The following KATNIP variants were observed in gnomAD, a reference collection of about 807,000 sequenced individuals.
KATNIP encodes the protein katanin interacting protein, also known as katanin-interacting protein.
Under a neutral mutation model 174.0 loss-of-function variants are expected in KATNIP, and 126 were observed. The observed-to-expected ratio is 0.72, with a 90% CI of 0.63 to 0.84. KATNIP has a LOEUF of 0.84. KATNIP is among the 40% of genes least tolerant of loss of function. The probability of loss-of-function intolerance (pLI) is 0.00; values close to 1 mark genes in which losing one functional copy is unlikely to be tolerated. For synonymous variants in KATNIP, 810 were observed against 835.7 expected (o/e 0.97, Z 0.53); for missense variants, 1,958 against 2,109.7 (o/e 0.93, Z 1.41).
At chr16:27,594,401 TCAGG>T (rs1326351620) in intron 2 of KATNIP, among the ~76,000 whole-genome samples, 3 of 152,084 alleles carry the variant, frequency 2.0e-5, no homozygotes, top group African/African-American at 7.2e-5. Flanking sequence ...GGCCAGTGAC[TCAGG>T]CTAGAGAGCC....
At chr16:27,622,816 C>T (rs1320687713) in intron 3 of KATNIP, among the ~76,000 whole-genome samples, 1 of 152,156 alleles carries the variant, frequency 6.6e-6, no homozygotes, top group East Asian at 1.9e-4. Flanking sequence ...TCCTTTTGTC[C>T]TCATGGCAGC....
rs1567329409 is a variant in KATNIP, at chr16:27,708,900, CTCGTCAACAGGA to C, written c.1586_1597del (p.Leu529_Asn533delinsHis). On this transcript the variant is annotated inframe_deletion, in exon 13 of 28. Coordinates refer to ENST00000261588, the MANE Select transcript of KATNIP (RefSeq NM_015202.5). ...AGCCACGCCTGGGGAGCTGGGCCGCCTCGTCAACAGGAACTTAGCTGTGAGTGGAAGGGGCAC... is the reference window on the plus strand; with the variant it reads ...AGCCACGCCTGGGGAGCTGGGCCGCCACTTAGCTGTGAGTGGAAGGGGCAC... The C allele has an allele frequency of 6.2e-7, 1 of 1,613,068 alleles. No homozygotes were observed. The highest frequency in any genetic ancestry group is 1.1e-5 in the South Asian group (1 of 91,002).
chr16:27,714,851 A>G (rs568240363), intron 13 of KATNIP, among the ~76,000 whole-genome samples: 1 of 152,338 alleles, frequency 6.6e-6, no homozygotes, highest in Admixed American at 6.5e-5. Flanking sequence ...TCAGAAGACA[A>G]CATTGTCGAG....
intron 14 of KATNIP, among the ~76,000 whole-genome samples, chr16:27,739,006 T>TA (rs71140909): frequency 0.01 from 1,502 of 146,270 alleles, 18 homozygotes; most frequent in Middle Eastern, 0.029. Context: ...TGATTTCAGT[T>TA]AAAAAAAAAA....
In KATNIP at chr16:27,761,517, C is replaced by T. The variant is rs1024367605; in HGVS notation, c.3736C>T (p.His1246Tyr). 3 of 1,614,016 alleles carry T rather than the reference C, an allele frequency of 1.9e-6. No homozygotes were observed. Among genetic ancestry groups the T allele is most frequent in the African/African-American group, 1.3e-5 (1 of 74,916 alleles). ...KEGQALPIHL[H>Y]QISASPRDLN... ...GGGCCAGGCGCTGCCCATCCACCTG[C>T]ACCAGATCTCTGCTTCCCCCAGAGA... The change falls in exon 19 of 28, where the codon CAC (histidine) becomes TAC (tyrosine). Residue 1246 changes from histidine to tyrosine, a missense_variant. Transcript: ENST00000261588.
At chr16:27,633,686 C>T (rs184503847) in intron 5 of KATNIP, among the ~76,000 whole-genome samples, 167 of 152,300 alleles carry the variant, frequency 1.1e-3, no homozygotes, top group African/African-American at 3.9e-3. Context: ...TAGTTAAATG[C>T]TTTCATACCC....
Position 27,597,058 on chromosome 16 carries a change from A to G in KATNIP, c.64-21367A>G, listed in dbSNP as rs114674761. On this transcript the variant is annotated intron_variant, in intron 2 of 27. Coordinates refer to ENST00000261588, the MANE Select transcript of KATNIP (RefSeq NM_015202.5). ...AAATAAAAATAATTAGCTGGTCATG[A>G]TGGTGCGTGCTGTGGTCCCAGCTAC... 8.0e-3 allele frequency among the ~76,000 whole-genome samples: 1,218 copies of G among 152,016 alleles called. 17 individuals carry two copies. Among genetic ancestry groups the G allele is most frequent in the African/African-American group, 0.028 (1,163 of 41,428 alleles).
In KATNIP at chr16:27,776,043, G is replaced by T. The variant is rs927743703; in HGVS notation, c.4450-885G>T. ...GTCTAGCACTGGAAGGCCTTTTGGGGTGCGGCGACTTCAGCTGTTGCTCTC... is the reference window on the plus strand; with the variant it reads ...GTCTAGCACTGGAAGGCCTTTTGGGTTGCGGCGACTTCAGCTGTTGCTCTC... On this transcript the variant is annotated intron_variant, in intron 24 of 27. Transcript: ENST00000261588. The surrounding 1 kb of genome is among the most constrained non-coding windows in gnomAD (Gnocchi z 4.7). 3.3e-5 allele frequency among the ~76,000 whole-genome samples: 5 copies of T among 152,212 alleles called. No homozygotes were observed. Among genetic ancestry groups the T allele is most frequent in the African/African-American group, 1.2e-4 (5 of 41,446 alleles).
At chr16:27,565,101 A>G (rs771319386) in intron 1 of KATNIP, among the ~76,000 whole-genome samples, 71 of 151,578 alleles carry the variant, frequency 4.7e-4, no homozygotes, top group Non-Finnish European at 9.3e-4. Flanking sequence ...TTTGTCTAAT[A>G]GATTTCTGTT....
At chr16:27,742,405 GAGT>G (rs1273478254) in intron 15 of KATNIP, among the ~76,000 whole-genome samples, 14 of 152,208 alleles carry the variant, frequency 9.2e-5, no homozygotes, top group African/African-American at 3.4e-4. Context: ...AGTGCTCGGT[GAGT>G]AGTAGTCGTT....
intron 2 of KATNIP, 27 bp downstream of exon 2, chr16:27,573,983 T>A: frequency 6.2e-7 from 1 of 1,607,462 alleles, no homozygotes; most frequent in Non-Finnish European, 8.5e-7. Context: ...CGAGGGCTGA[T>A]GGGAGGCAAC....
rs1406512708 is a variant in KATNIP, at chr16:27,694,632, C to T, written c.941-3696C>T. On this transcript the variant is annotated intron_variant, in intron 8 of 27. Transcript: ENST00000261588. Reference sequence around the variant, plus strand: ...GCAACATGGTGAAACCCCGTCTCTACAAAAAATACAAAAATTAGCTGGGCA... The same window carrying T: ...GCAACATGGTGAAACCCCGTCTCTATAAAAAATACAAAAATTAGCTGGGCA... 3.3e-5 allele frequency among the ~76,000 whole-genome samples: 5 copies of T among 151,826 alleles called. No individual in the cohort carries two copies. In the East Asian group the frequency reaches 9.7e-4, roughly 30 times the overall value.
chr16:27,708,139 C>T (rs35104477), intron 12 of KATNIP, among the ~76,000 whole-genome samples: 1 of 151,880 alleles, frequency 6.6e-6, no homozygotes, highest in African/African-American at 2.4e-5. Context: ...GCCTCAGCCT[C>T]CTGCGTAGCT....
At chr16:27,757,222 C>G (rs2081767549) in intron 18 of KATNIP, among the ~76,000 whole-genome samples, 1 of 152,170 alleles carries the variant, frequency 6.6e-6, no homozygotes, top group African/African-American at 2.4e-5. Context: ...GTAGCTGGGA[C>G]TGTAGGTGTG....
At chr16:27,558,729 G>A in intron 1 of KATNIP, among the ~76,000 whole-genome samples, 1 of 152,186 alleles carries the variant, frequency 6.6e-6, no homozygotes. Context: ...GTGGCCCACG[G>A]GCCAAAAATA....
intron 15 of KATNIP, among the ~76,000 whole-genome samples, chr16:27,744,863 C>A (rs2143654956): frequency 6.6e-6 from 1 of 151,990 alleles, no homozygotes; most frequent in East Asian, 1.9e-4. Context: ...TGGAGTAAGC[C>A]AAGATCACGC....
intron 15 of KATNIP, among the ~76,000 whole-genome samples, chr16:27,741,495 T>A (rs1368490251): frequency 6.6e-6 from 1 of 152,098 alleles, no homozygotes; most frequent in Non-Finnish European, 1.5e-5. Context: ...AATTGACACT[T>A]GCCTGAGTGT....
Position 27,638,143 on chromosome 16 carries a change from G to A in KATNIP, c.408+6981G>A, listed in dbSNP as rs2076690466. ...TTCTCAGGGCATGGCCTGGGCTGCT[G>A]CTGCTTAGCCTGGATGAGGCACCCC... On this transcript the variant is annotated intron_variant, in intron 5 of 27. Coordinates refer to ENST00000261588, the MANE Select transcript of KATNIP (RefSeq NM_015202.5). 2.0e-5 allele frequency among the ~76,000 whole-genome samples: 3 copies of A among 152,310 alleles called. No individual in the cohort carries two copies. The South Asian group carries it at 6.2e-4, about 32-fold the overall frequency.
chr16:27,565,094 G>C (rs1187881441), intron 1 of KATNIP, among the ~76,000 whole-genome samples: 2 of 151,698 alleles, frequency 1.3e-5, no homozygotes, highest in African/African-American at 2.4e-5. Context: ...CCTGCTCTTT[G>C]TCTAATAGAT....
Sources: gnomAD v4.1 joint callset for allele counts (sites outside exome capture counted in the v4.1 genomes callset) on GRCh38, gnomAD v4.1.1 for gene constraint, Gnocchi (gnomAD v3.1) non-coding constraint, MANE v1.5 for transcripts, NCBI Gene and HGNC (gene_info 2026-07-23, HGNC 2026-07-21) for gene names.